Variants in AFAP1 observed in about 807,000 individuals in gnomAD.
AFAP1 encodes actin filament associated protein 1, also known as actin filament-associated protein 1.
A neutral mutation model predicts 93.9 loss-of-function variants in AFAP1; 75 were observed. The ratio of observed to expected loss-of-function variants is 0.80; its 90% CI spans 0.66 to 0.97. The LOEUF (loss-of-function observed/expected upper bound fraction) is 0.97, where lower values mean the gene tolerates loss of function less well. Among genes scored for constraint, AFAP1 ranks in the 50% least tolerant of loss-of-function variants. The probability of loss-of-function intolerance (pLI) is 0.00; values close to 1 mark genes in which losing one functional copy is unlikely to be tolerated. For synonymous variants in AFAP1, 517 were observed against 430.7 expected (o/e 1.20, Z -2.48); for missense variants, 1,201 against 1,050.8 (o/e 1.14, Z -1.98).
At chr4:7,922,376 G>A (rs1720484973) in intron 1 of AFAP1, among the ~76,000 whole-genome samples, 1 of 152,196 alleles carries the variant, frequency 6.6e-6, no homozygotes, top group African/African-American at 2.4e-5. Context: ...ATTCTAGCTT[G>A]GATGTCAGAG....
At chr4:7,823,987 C>G (rs935709297) in intron 6 of AFAP1, among the ~76,000 whole-genome samples, 17 of 152,186 alleles carry the variant, frequency 1.1e-4, no homozygotes, top group Non-Finnish European at 1.9e-4. Flanking sequence ...AGTCTTTATT[C>G]CCACAAAGTT....
intron 14 of AFAP1, chr4:7,778,268 C>G (rs538740785): frequency 5.7e-6 from 1 of 175,296 alleles, no homozygotes; most frequent in African/African-American, 2.4e-5. Flanking sequence ...CCACAGGCAC[C>G]GCAGGATAAC....
chr4:7,882,414 C>G (rs1717904471), intron 1 of AFAP1, among the ~76,000 whole-genome samples: 1 of 148,628 alleles, frequency 6.7e-6, no homozygotes, highest in South Asian at 2.1e-4. Context: ...TTTTTTGAAG[C>G]AAATATAAAT....
At chr4:7,929,179 G>C (rs1288414050) in intron 1 of AFAP1, among the ~76,000 whole-genome samples, 2 of 152,108 alleles carry the variant, frequency 1.3e-5, no homozygotes, top group African/African-American at 2.4e-5. Context: ...CTGTACAACA[G>C]CTTTCTTTGT....
chr4:7,854,320 C>A (rs1005350089), intron 4 of AFAP1, among the ~76,000 whole-genome samples: 3 of 146,176 alleles, frequency 2.1e-5, no homozygotes, highest in Admixed American at 1.3e-4. Context: ...GACATTTGGC[C>A]CAGTCTGTGC....
chr4:7,821,343 T>TG (rs1457232802), intron 6 of AFAP1, among the ~76,000 whole-genome samples: 1 of 152,234 alleles, frequency 6.6e-6, no homozygotes, highest in Non-Finnish European at 1.5e-5. Flanking sequence ...CCGTCATTAC[T>TG]GTCAGCATTT....
At chr4:7,822,586 C>CTTTTTTTTTTTTTTTTTTTTT (rs5855982) in intron 6 of AFAP1, among the ~76,000 whole-genome samples, 1 of 132,572 alleles carries the variant, frequency 7.5e-6, no homozygotes, top group Non-Finnish European at 1.6e-5. Context: ...TTTCTTTTTT[C>CTTTTTTTTTTTTTTTTTTTTT]TTTTTTTTTT....
At chr4:7,866,906 G>A (rs1416984661) in intron 3 of AFAP1, among the ~76,000 whole-genome samples, 1 of 151,466 alleles carries the variant, frequency 6.6e-6, no homozygotes, top group Non-Finnish European at 1.5e-5. Context: ...GGGCATGGTG[G>A]CTCACACCTG....
intron 7 of AFAP1, among the ~76,000 whole-genome samples, chr4:7,817,698 T>C (rs1720602847): frequency 6.6e-6 from 1 of 151,068 alleles, no homozygotes; most frequent in Non-Finnish European, 1.5e-5. Flanking sequence ...CTAATGAAAA[T>C]GTAAAAATGT....
intron 1 of AFAP1, among the ~76,000 whole-genome samples, chr4:7,888,080 G>T (rs1718234956): frequency 6.6e-6 from 1 of 152,154 alleles, no homozygotes; most frequent in Non-Finnish European, 1.5e-5. Context: ...GCCCACCTCG[G>T]CCTCACAAAG....
intron 16 of AFAP1, 106 bp downstream of exon 16, chr4:7,772,714 A>T: frequency 9.2e-7 from 1 of 1,086,846 alleles, no homozygotes; most frequent in Non-Finnish European, 1.3e-6. Flanking sequence ...CTAAGGGGCC[A>T]CAAGCAAGCT....
intron 4 of AFAP1, among the ~76,000 whole-genome samples, chr4:7,852,960 G>A (rs1172737960): frequency 6.6e-6 from 1 of 152,180 alleles, no homozygotes; most frequent in African/African-American, 2.4e-5. Flanking sequence ...CCTCTGCGGG[G>A]AGTTGGGGAA....
At chr4:7,783,594 A>G (rs1716986636) in intron 12 of AFAP1, among the ~76,000 whole-genome samples, 3 of 152,224 alleles carry the variant, frequency 2.0e-5, no homozygotes, top group Admixed American at 2.0e-4. Context: ...CCAGCAATAC[A>G]CACACACAAA....
At chr4:7,867,204 C>T (rs1401005973) in intron 3 of AFAP1, among the ~76,000 whole-genome samples, 1 of 152,012 alleles carries the variant, frequency 6.6e-6, no homozygotes, top group African/African-American at 2.4e-5. Flanking sequence ...GAACCAGAAT[C>T]TGCACTTTCA....
intron 13 of AFAP1, among the ~76,000 whole-genome samples, chr4:7,780,265 CT>C (rs1716623439): frequency 6.6e-6 from 1 of 152,236 alleles, no homozygotes; most frequent in Admixed American, 6.5e-5. Context: ...GGGATGGGAT[CT>C]GAACAACCGT....
chr4:7,829,150 G>A (rs1447296585), intron 6 of AFAP1, among the ~76,000 whole-genome samples: 1 of 152,216 alleles, frequency 6.6e-6, no homozygotes, highest in East Asian at 1.9e-4. Context: ...CCCCAGCCAT[G>A]TGGAACTGTG....
Position 7,816,212 on chromosome 4 carries a change from A to C in AFAP1, c.823-113T>G, listed in dbSNP as rs957821675. 1.2e-5 allele frequency: 10 copies of C among 861,582 alleles called. No individual in the cohort carries two copies. In the East Asian group the frequency reaches 2.6e-4, roughly 22 times the overall value. 53.4% of individuals were successfully genotyped at this position (861,582 alleles called of 1,614,324 possible). Reference sequence around the variant, plus strand: ...GTGAAAGAAAACACAGGCCAAATTCATAGCAATCCAGAAGTGGTTAGAGCT... The same window carrying C: ...GTGAAAGAAAACACAGGCCAAATTCCTAGCAATCCAGAAGTGGTTAGAGCT... On this transcript the variant is annotated intron_variant, in intron 7 of 17. Coordinates refer to ENST00000420658, the MANE Select transcript of AFAP1 (RefSeq NM_001134647.2).
chr4:7,852,191 A>G (rs1714517006), intron 4 of AFAP1, among the ~76,000 whole-genome samples: 1 of 152,180 alleles, frequency 6.6e-6, no homozygotes, highest in African/African-American at 2.4e-5. Context: ...TTTCTCCCAC[A>G]GCCCAGATTC....
chr4:7,836,798 A>G (rs1163309835), intron 6 of AFAP1, among the ~76,000 whole-genome samples: 1 of 151,938 alleles, frequency 6.6e-6, no homozygotes, highest in Non-Finnish European at 1.5e-5. Context: ...GACTATGGTG[A>G]TGGCTGCACA....
Sources: allele counts gnomAD v4.1 joint callset (sites outside exome capture counted in the v4.1 genomes callset), GRCh38; gene constraint gnomAD v4.1.1; transcripts MANE v1.5; gene names NCBI Gene and HGNC (gene_info 2026-07-23, HGNC 2026-07-21).